Variants in KDM3A observed in about 807,000 individuals in gnomAD.
KDM3A encodes lysine demethylase 3A, also known as lysine-specific demethylase 3A.
KDM3A carries 60 observed loss-of-function variants against 158.0 expected under a neutral mutation model. The ratio of observed to expected loss-of-function variants is 0.38; its 90% CI spans 0.31 to 0.47. The LOEUF (loss-of-function observed/expected upper bound fraction) is 0.47. KDM3A is among the 20% of genes least tolerant of loss of function. The probability of loss-of-function intolerance (pLI) is 0.99; values close to 1 mark genes in which losing one functional copy is unlikely to be tolerated. For missense variants in KDM3A, 1,319 were observed against 1,574.3 expected, an observed-to-expected ratio of 0.84 and a Z score of 2.74; for synonymous variants, 608 against 549.3, an observed-to-expected ratio of 1.11 and a Z score of -1.49.
intron 1 of KDM3A, 57 bp downstream of exon 1, chr2:86,441,501 A>G (rs537523352): frequency 1.3e-5 from 2 of 150,816 alleles, no homozygotes; most frequent in South Asian, 4.2e-4. Context: ...GAAAGCGCCG[A>G]GCGCGCGGCC....
chr2:86,471,307 GTATA>G (rs949433658), intron 11 of KDM3A, among the ~76,000 whole-genome samples: 1 of 151,356 alleles, frequency 6.6e-6, no homozygotes, highest in Non-Finnish European at 1.5e-5. Flanking sequence ...GTGTGTATGT[GTATA>G]TATGTGTATA....
At chr2:86,441,977 ACCGG>A (rs1415575657) in intron 1 of KDM3A, 37 bp from the exon 2 acceptor site, 35 of 1,342,592 alleles carry the variant, frequency 2.6e-5, no homozygotes, top group Non-Finnish European at 3.6e-5. Context: ...GCCCCCTCCC[ACCGG>A]CCGCCCCCGT....
chr2:86,481,084 T>C (rs1180088528), intron 16 of KDM3A, among the ~76,000 whole-genome samples: 1 of 152,132 alleles, frequency 6.6e-6, no homozygotes, highest in East Asian at 1.9e-4. Context: ...TTCAAAAATG[T>C]AGAAGAATCA....
chr2:86,450,029 G>A lies in KDM3A; in HGVS notation c.342+67G>A, dbSNP rs1672376166. ...ATTTTATCCATTGTGGGTACAAAAG[G>A]AATATGTAAATGTAATGCCAGAAAG... On this transcript the variant is annotated intron_variant, in intron 3 of 25. Transcript: ENST00000312912. 8.1e-6 allele frequency: 12 copies of A among 1,473,022 alleles called. No homozygotes were observed. In the South Asian group the frequency reaches 1.4e-4, roughly 17 times the overall value. The allele number at this position is 1,473,022 out of a possible 1,614,324, so 91.2% of individuals were successfully genotyped here. A position where few individuals can be genotyped will look rare whatever the true frequency, so the allele number is the denominator to read the frequency against.
In KDM3A at chr2:86,484,172, A is replaced by G; in HGVS notation, c.3094+14A>G. 6.2e-7 allele frequency: 1 copy of G among 1,607,118 alleles called. No homozygotes were observed. The highest frequency in any genetic ancestry group is 8.5e-7 in the Non-Finnish European group (1 of 1,176,288). ...AAGATGTTCCAAGTATGTATGAAAG[A>G]TCTTTTAAGGGGGTTGGGGATGTGA... On this transcript the variant is annotated intron_variant, in intron 19 of 25. Transcript: ENST00000312912.
At chr2:86,442,753 T>C (rs1191281921) in intron 2 of KDM3A, among the ~76,000 whole-genome samples, 1 of 152,078 alleles carries the variant, frequency 6.6e-6, no homozygotes. Flanking sequence ...TGTTTGTCCG[T>C]ATATGGTGGG....
At chr2:86,467,492 G>T (rs1399391389) in intron 10 of KDM3A, 3 of 152,174 alleles carry the variant, frequency 2.0e-5, no homozygotes, top group African/African-American at 7.2e-5. Context: ...TTAAGGGGAG[G>T]TCCTGCTGCA....
At chr2:86,481,741 T>G (rs1447206754) in intron 16 of KDM3A, among the ~76,000 whole-genome samples, 189 bp from the exon 17 acceptor site, 1 of 152,228 alleles carries the variant, frequency 6.6e-6, no homozygotes, top group Non-Finnish European at 1.5e-5. Context: ...TTGTACTGGA[T>G]AGTTATTGTT....
Position 86,441,374 on chromosome 2 carries a change from T to G in KDM3A, c.-101T>G, listed in dbSNP as rs1490488239. ...GTCTTGTGAGAGCTCTTGAACCAAG[T>G]CAGCGCTGGAGTCGGCTAGGCGGCT... On this transcript the variant is annotated 5_prime_UTR_variant, in exon 1 of 26. Coordinates refer to ENST00000312912, the MANE Select transcript of KDM3A (RefSeq NM_018433.6). 1 of 152,218 alleles carries G rather than the reference T, an allele frequency of 6.6e-6. No individual in the cohort carries two copies. The highest frequency in any genetic ancestry group is 2.4e-5 in the African/African-American group (1 of 41,434). The allele number at this position is 152,218 out of a possible 1,614,324, so 9.4% of individuals were successfully genotyped here.
intron 8 of KDM3A, chr2:86,460,741 A>G (rs144911680): frequency 8.9e-4 from 136 of 152,304 alleles, no homozygotes; most frequent in African/African-American, 2.5e-3. Flanking sequence ...TTAGAATTCT[A>G]TCATACACTC....
chr2:86,460,281 C>A (rs1573165012), intron 8 of KDM3A, among the ~76,000 whole-genome samples: 1 of 152,260 alleles, frequency 6.6e-6, no homozygotes, highest in Admixed American at 6.5e-5. Context: ...GATTCCCTTG[C>A]AATGTATTAT....
intron 19 of KDM3A, among the ~76,000 whole-genome samples, chr2:86,484,424 G>A (rs1454948331): frequency 6.6e-6 from 1 of 152,162 alleles, no homozygotes; most frequent in Non-Finnish European, 1.5e-5. Context: ...AGTAATTTCT[G>A]TTGCATGCTG....
intron 25 of KDM3A, 77 bp from the exon 26 acceptor site, chr2:86,491,962 G>C: frequency 3.4e-6 from 3 of 888,436 alleles, no homozygotes; most frequent in South Asian, 3.2e-5. Flanking sequence ...AATAAAATTA[G>C]TAGGAGGAAG....
rs1030294769 is a variant in KDM3A at position 86,449,862 on chromosome 2, A to G, written c.242A>G (p.Tyr81Cys). Residue 81 changes from tyrosine to cysteine, a missense_variant, in exon 3 of 26, where the codon TAC becomes TGC. Around this residue, in one of 4 missense-constraint regions of KDM3A, gnomAD observed 652 missense variants for 627.2 expected, o/e 1.04. Coordinates refer to ENST00000312912, the MANE Select transcript of KDM3A (RefSeq NM_018433.6). ...AGGAAAAGAAGATGGATAGAAGTCT[A>G]CAGCCTTCTAAGGAGAGCATTTTTA... ...SWRKRRWIEV[Y>C]SLLRRAFLVE... 14 of 1,613,572 alleles carry G rather than the reference A, an allele frequency of 8.7e-6. No homozygotes were observed. Among genetic ancestry groups the G allele is most frequent in the Non-Finnish European group, 8.5e-7 (1 of 1,179,702 alleles).
chr2:86,477,772 T>C lies in KDM3A; in HGVS notation c.1940-105T>C, dbSNP rs1311704096. Reference sequence around the variant, plus strand: ...TGCAATGAAGCCTGAACAAAGTTAATTTGAAGTCTAGTCACAGGGAGGAAT... The same window carrying C: ...TGCAATGAAGCCTGAACAAAGTTAACTTGAAGTCTAGTCACAGGGAGGAAT... On this transcript the variant is annotated intron_variant, in intron 12 of 25. Transcript: ENST00000312912. 4 of 1,096,176 alleles carry C rather than the reference T, an allele frequency of 3.6e-6. No individual in the cohort carries two copies. The East Asian group carries it at 7.2e-5, about 20-fold the overall frequency. 67.9% of individuals were successfully genotyped at this position (1,096,176 alleles called of 1,614,324 possible).
chr2:86,477,768 T>C (rs1341670439), intron 12 of KDM3A, 109 bp from the exon 13 acceptor site: 13 of 1,060,724 alleles, frequency 1.2e-5, no homozygotes, highest in Non-Finnish European at 1.8e-5. Context: ...CTGAACAAAG[T>C]TAATTTGAAG....
rs72930356 is a variant in KDM3A at position 86,450,035 on chromosome 2, G to A, written c.342+73G>A. The A allele has an allele frequency of 8.2e-4, 1,184 of 1,436,146 alleles. 14 individuals are homozygous for A. The African/African-American group carries it at 0.015, about 18-fold the overall frequency. The allele number at this position is 1,436,146 out of a possible 1,614,324, so 89.0% of individuals were successfully genotyped here. A position where few individuals can be genotyped will look rare whatever the true frequency, so the allele number is the denominator to read the frequency against. ...TCCATTGTGGGTACAAAAGGAATAT[G>A]TAAATGTAATGCCAGAAAGTCAGAA... On this transcript the variant is annotated intron_variant, in intron 3 of 25. Transcript: ENST00000312912.
At chr2:86,477,727 A>T in intron 12 of KDM3A, 150 bp from the exon 13 acceptor site, 1 of 661,504 alleles carries the variant, frequency 1.5e-6, no homozygotes, top group South Asian at 2.1e-5. Context: ...GGAACACTTC[A>T]TGGGGTGGAG....
chr2:86,460,016 C>A (rs988669481), intron 8 of KDM3A, among the ~76,000 whole-genome samples: 5 of 152,120 alleles, frequency 3.3e-5, no homozygotes, highest in Admixed American at 1.3e-4. Flanking sequence ...TTCAGAAGTT[C>A]TTGAAAATAT....
Sources: gnomAD v4.1 joint callset for allele counts (sites outside exome capture counted in the v4.1 genomes callset) on GRCh38, gnomAD v4.1.1 for gene constraint, gnomAD v4.1.1 regional missense constraint, MANE v1.5 for transcripts, NCBI Gene and HGNC (gene_info 2026-07-23, HGNC 2026-07-21) for gene names.